Variants in RDH13 observed in about 807,000 individuals in gnomAD.
RDH13 encodes retinol dehydrogenase 13, also known as retinol dehydrogenase 13 (all-trans and 9-cis).
RDH13 carries 35 observed loss-of-function variants against 28.3 expected under a neutral mutation model. The ratio of observed to expected loss-of-function variants is 1.24; its 90% CI spans 0.95 to 1.64. RDH13 has a LOEUF of 1.64. RDH13 is among the 40% of genes most tolerant of loss of function. The pLI is 0.00. For synonymous variants in RDH13, 229 were observed against 198.5 expected (o/e 1.15, Z -1.29); for missense variants, 514 against 446.3 (o/e 1.15, Z -1.37).
downstream of RDH13, chr19:55,042,594 C>T (rs1395664807): frequency 6.6e-6 from 1 of 152,228 alleles, no homozygotes; most frequent in Non-Finnish European, 1.5e-5. Flanking sequence ...CTCAAACTTG[C>T]TTTTCCGTGA....
Position 55,045,227 on chromosome 19 carries a change from C to T in RDH13, c.843G>A (p.Ala281=), listed in dbSNP as rs768256777. The T allele has an allele frequency of 9.9e-6, 16 of 1,613,336 alleles. No individual in the cohort carries two copies. Among genetic ancestry groups the T allele is most frequent in the South Asian group, 4.4e-5 (4 of 91,088 alleles). ...CATCGAAGTACTTTCCGGAAACATC[C>T]GCCAGTTCCTCCGCCACGGCCAGGT... is the stretch of plus-strand genomic sequence containing the variant. ...STYLAVAEEL[A]DVSGKYFDGL... Residue 281 remains alanine (A), a synonymous_variant, in exon 7 of 7, where the codon GCG becomes GCA. Coordinates refer to ENST00000415061, the MANE Select transcript of RDH13 (RefSeq NM_001145971.2).
chr19:55,055,722 G>A (rs553612595), intron 3 of RDH13, among the ~76,000 whole-genome samples: 31 of 151,520 alleles, frequency 2.0e-4, no homozygotes, highest in South Asian at 2.1e-4. Flanking sequence ...GTGTGGTGGC[G>A]TATGCCTGTA....
At chr19:55,041,797 G>T, downstream of RDH13, 1 of 152,338 alleles carries the variant, frequency 6.6e-6, no homozygotes. Context: ...CAGCCACCTT[G>T]GGAAATACGT....
chr19:55,056,311 A>G (rs980517797), intron 3 of RDH13, among the ~76,000 whole-genome samples: 2 of 152,062 alleles, frequency 1.3e-5, no homozygotes, highest in African/African-American at 4.8e-5. Context: ...TAAAAATACA[A>G]AAATTAGCAG....
upstream of RDH13, among the ~76,000 whole-genome samples, chr19:55,064,620 G>A (rs1349573555): frequency 6.6e-6 from 1 of 151,166 alleles, no homozygotes; most frequent in Non-Finnish European, 1.5e-5. Flanking sequence ...TGTTTGTTTT[G>A]TTTTGTTTTT....
At chr19:55,050,637 T>C (rs2075397950) in intron 3 of RDH13, 1 of 152,048 alleles carries the variant, frequency 6.6e-6, no homozygotes. Context: ...AGGACACCAG[T>C]CACTGGATTA....
At chr19:55,060,782 C>A (rs764524510) in intron 1 of RDH13, among the ~76,000 whole-genome samples, 1 of 152,000 alleles carries the variant, frequency 6.6e-6, no homozygotes, top group Admixed American at 6.6e-5. Context: ...TGCAGTGAGT[C>A]GAAATGGTGC....
intron 3 of RDH13, among the ~76,000 whole-genome samples, chr19:55,056,192 A>G (rs2075626388): frequency 6.7e-6 from 1 of 149,220 alleles, no homozygotes; most frequent in Middle Eastern, 3.6e-3. Context: ...AGCCGGGCGC[A>G]GTGGCCCACG....
At chr19:55,055,604 C>T (rs1243431485) in intron 3 of RDH13, among the ~76,000 whole-genome samples, 1 of 151,696 alleles carries the variant, frequency 6.6e-6, no homozygotes, top group Non-Finnish European at 1.5e-5. Flanking sequence ...CTGTGGGAAG[C>T]TGACCTGGGT....
intron 3 of RDH13, among the ~76,000 whole-genome samples, chr19:55,056,213 C>T (rs1177076417): frequency 6.6e-6 from 1 of 152,058 alleles, no homozygotes; most frequent in Non-Finnish European, 1.5e-5. Context: ...CCTGTAATCC[C>T]AGCACTCTGG....
chr19:55,060,194 C>T (rs62124161), intron 1 of RDH13, among the ~76,000 whole-genome samples: 17,257 of 137,776 alleles, frequency 0.13, 1,239 homozygotes, highest in Non-Finnish European at 0.14. Flanking sequence ...AGGCCACTGT[C>T]TCCTGCCTGA....
chr19:55,045,182 CG>C lies in RDH13; in HGVS notation c.887del (p.Pro296ArgfsTer24). The part of the protein sequence containing the change: ...KYFDGLKQKA[P>X]APEAEDEEVA... Reference sequence around the variant, plus strand: ...CCTCCTCATCCTCAGCCTCGGGGGCCGGGGCCTTCTGTTTGAGTCCATCGAA... The same window carrying C: ...CCTCCTCATCCTCAGCCTCGGGGGCCGGGCCTTCTGTTTGAGTCCATCGAA... On this transcript the variant is annotated frameshift_variant, in exon 7 of 7. Coordinates refer to ENST00000415061, the MANE Select transcript of RDH13 (RefSeq NM_001145971.2). LOFTEE classifies it high-confidence loss of function. 1 of 1,613,658 alleles carries C rather than the reference CG, an allele frequency of 6.2e-7. No homozygotes were observed. The highest frequency in any genetic ancestry group is 8.5e-7 in the Non-Finnish European group (1 of 1,180,028).
Position 55,045,072 on chromosome 19 carries a change from G to T in RDH13, c.*2C>A, listed in dbSNP as rs921763041. ...TCCTGGCTTTCAAATCTGCTCCAGAGGTTATCTGGGGAGGGGCTGCTCCCT... is the reference window on the plus strand; with the variant it reads ...TCCTGGCTTTCAAATCTGCTCCAGATGTTATCTGGGGAGGGGCTGCTCCCT... On this transcript the variant is annotated 3_prime_UTR_variant, in exon 7 of 7. Coordinates refer to ENST00000415061, the MANE Select transcript of RDH13 (RefSeq NM_001145971.2). 1 of 1,590,364 alleles carries T rather than the reference G, an allele frequency of 6.3e-7. No individual in the cohort carries two copies. The highest frequency in any genetic ancestry group is 8.6e-7 in the Non-Finnish European group (1 of 1,167,456).
At chr19:55,057,688 G>T (rs11668339) in intron 2 of RDH13, among the ~76,000 whole-genome samples, 1 of 151,836 alleles carries the variant, frequency 6.6e-6, no homozygotes, top group East Asian at 1.9e-4. Flanking sequence ...TCCACCCCGC[G>T]GCCTCCCAAA....
At chr19:55,047,604 C>T (rs2075281986) in intron 5 of RDH13, 116 bp from the exon 6 acceptor site, 17 of 1,438,234 alleles carry the variant, frequency 1.2e-5, no homozygotes, top group African/African-American at 2.8e-5. Context: ...TGCACTCAAA[C>T]CCCATCGTCC....
rs1468265724 is a variant in RDH13 at position 55,045,215 on chromosome 19, T to G, written c.855A>C (p.Gly285=). The G allele has an allele frequency of 1.2e-6, 2 of 1,613,456 alleles. No individual in the cohort carries two copies. Among genetic ancestry groups the G allele is most frequent in the Admixed American group, 3.3e-5 (2 of 60,022 alleles). Residue 285 remains glycine, a synonymous_variant, in exon 7 of 7, where the codon GGA becomes GGC. Transcript: ENST00000415061. ...TCTGTTTGAGTCCATCGAAGTACTT[T>G]CCGGAAACATCCGCCAGTTCCTCCG... ...AVAEELADVS[G]KYFDGLKQKA...
intron 2 of RDH13, among the ~76,000 whole-genome samples, chr19:55,057,507 A>C (rs1209579518): frequency 6.8e-6 from 1 of 147,442 alleles, no homozygotes; most frequent in Non-Finnish European, 1.5e-5. Context: ...ATCTCGGCTC[A>C]CTGCAACCTC....
upstream of RDH13, among the ~76,000 whole-genome samples, chr19:55,064,674 G>A (rs974235528): frequency 2.0e-5 from 3 of 148,640 alleles, no homozygotes; most frequent in East Asian, 2.0e-4. Flanking sequence ...AGAGCAGTGG[G>A]CGATCTCAGC....
rs1379571326 is a variant in RDH13, at chr19:55,068,814, C to A, written c.-266+508G>T. The A allele has an allele frequency of 2.3e-5, 3 of 128,592 alleles. No individual in the cohort carries two copies. The Admixed American group carries it at 2.6e-4, about 11-fold the overall frequency. 8.0% of individuals were successfully genotyped at this position (128,592 alleles called of 1,614,324 possible). The stretch of plus-strand genomic sequence containing the variant: ...TCGCGCCACTGCACTCCAGCCTGGG[C>A]GACAGAGCAAGACTCTGTCAAGAAA... On this transcript the variant is annotated intron_variant, in intron 1 of 7. Coordinates refer to the RDH13 transcript ENST00000396247.
Sources: gnomAD v4.1 joint callset for allele counts (sites outside exome capture counted in the v4.1 genomes callset) on GRCh38, gnomAD v4.1.1 for gene constraint, MANE v1.5 for transcripts, NCBI Gene and HGNC (gene_info 2026-07-23, HGNC 2026-07-21) for gene names.